The following FRMD4A variants were observed in gnomAD, a reference collection of about 807,000 sequenced individuals.
The protein encoded by FRMD4A is FERM domain-containing protein 4A.
In FRMD4A, 29 loss-of-function variants were observed where a neutral mutation model predicts 129.1. The ratio of observed to expected loss-of-function variants is 0.22; its 90% CI spans 0.17 to 0.31. The LOEUF is 0.31. FRMD4A is among the 10% of genes least tolerant of loss of function. FRMD4A has a pLI of 1.00. For synonymous variants in FRMD4A, 634 were observed against 571.6 expected (o/e 1.11, Z -1.56); for missense variants, 1,272 against 1,375.8 (o/e 0.92, Z 1.19).
chr10:13,731,259 G>A (rs1255797061), intron 12 of FRMD4A, among the ~76,000 whole-genome samples: 1 of 152,226 alleles, frequency 6.6e-6, no homozygotes, highest in Non-Finnish European at 1.5e-5. Context: ...CAGAAGTGGG[G>A]AGGAAGGCAA....
chr10:13,744,694 G>A (rs1321419877), intron 9 of FRMD4A: 2 of 152,178 alleles, frequency 1.3e-5, no homozygotes, highest in African/African-American at 4.8e-5. Context: ...GAAGAATGGT[G>A]AGTACAGCTC....
rs147018004 is a variant in FRMD4A at position 14,323,071 on chromosome 10, G to A, written c.45+6987C>T. Among the ~76,000 whole-genome samples the A allele has an allele frequency of 2.6e-3, 396 of 152,254 alleles. 11 individuals are homozygous for A. In the East Asian group the frequency reaches 0.053, roughly 21 times the overall value. On this transcript the variant is annotated intron_variant, in intron 2 of 24. Coordinates refer to ENST00000357447, the MANE Select transcript of FRMD4A (RefSeq NM_018027.5). ...GCAAATTTAAATTTGCTCATAACTA[G>A]AATGGCTCACATGGCCACAGGAACA...
In FRMD4A at chr10:13,815,636, C is replaced by T. The variant is rs187367889; in HGVS notation, c.112-4728G>A. 1.8e-4 allele frequency among the ~76,000 whole-genome samples: 27 copies of T among 152,282 alleles called. No homozygotes were observed. The East Asian group carries it at 4.4e-3, about 25-fold the overall frequency. ...GTTTCAAAGCCCACATGTGTAATCC[C>T]TCTGCCACTCTACCTCTGTTGACCC... On this transcript the variant is annotated intron_variant, in intron 3 of 24. Coordinates refer to ENST00000357447, the MANE Select transcript of FRMD4A (RefSeq NM_018027.5).
At chr10:13,694,646 G>C (rs376840694) in intron 14 of FRMD4A, among the ~76,000 whole-genome samples, 12 of 152,288 alleles carry the variant, frequency 7.9e-5, no homozygotes, top group African/African-American at 2.9e-4. Flanking sequence ...AGTGACAGTG[G>C]TTCTCCAGCT....
At chr10:14,007,843 C>A (rs2095667568) in intron 2 of FRMD4A, among the ~76,000 whole-genome samples, 3 of 152,294 alleles carry the variant, frequency 2.0e-5, no homozygotes, top group Admixed American at 1.3e-4. Context: ...CACCCCTCCC[C>A]CATCTGAGAT....
intron 2 of FRMD4A, among the ~76,000 whole-genome samples, chr10:14,006,027 T>A (rs1434657241): frequency 6.6e-6 from 1 of 152,196 alleles, no homozygotes; most frequent in East Asian, 1.9e-4. Flanking sequence ...ACACTCCCAA[T>A]GGAAGGGTGC....
intron 2 of FRMD4A, among the ~76,000 whole-genome samples, chr10:13,891,289 T>G (rs1309733748): frequency 7.2e-5 from 11 of 151,976 alleles, no homozygotes; most frequent in Non-Finnish European, 1.6e-4. Context: ...CCTGGCACTC[T>G]CAGAAAATGG....
chr10:13,933,983 A>G (rs2095226648), intron 2 of FRMD4A, among the ~76,000 whole-genome samples: 1 of 152,232 alleles, frequency 6.6e-6, no homozygotes, highest in African/African-American at 2.4e-5. Flanking sequence ...TTATGCAGAA[A>G]ATAGCAACAG....
chr10:14,237,462 C>G (rs1443455897), intron 2 of FRMD4A, among the ~76,000 whole-genome samples: 16 of 152,154 alleles, frequency 1.1e-4, no homozygotes, highest in Admixed American at 9.8e-4. Context: ...TCCTGAGTAG[C>G]TGGGATTACA....
At chr10:13,844,895 A>G (rs2094020845) in intron 3 of FRMD4A, among the ~76,000 whole-genome samples, 1 of 152,224 alleles carries the variant, frequency 6.6e-6, no homozygotes, top group Non-Finnish European at 1.5e-5. Context: ...ATTGGGAAGC[A>G]ACAGTTAGTA....
intron 22 of FRMD4A, among the ~76,000 whole-genome samples, chr10:13,656,313 CAG>C (rs2082136474): frequency 6.6e-6 from 1 of 152,184 alleles, no homozygotes. Context: ...TGGATAAACC[CAG>C]AGACATTACT....
At chr10:13,734,842 A>T (rs1242894129) in intron 12 of FRMD4A, among the ~76,000 whole-genome samples, 3 of 7,236 alleles carry the variant, frequency 4.1e-4, no homozygotes, top group African/African-American at 6.5e-4. Context: ...TTCTTTTTCT[A>T]TTTATTTATT....
intron 2 of FRMD4A, among the ~76,000 whole-genome samples, chr10:13,945,379 C>G (rs1035755121): frequency 7.2e-5 from 11 of 152,100 alleles, no homozygotes; most frequent in African/African-American, 2.7e-4. Context: ...AGGTTTCTTT[C>G]TTCTCTTTCT....
At chr10:13,945,042 C>G (rs1410586947) in intron 2 of FRMD4A, among the ~76,000 whole-genome samples, 2 of 152,160 alleles carry the variant, frequency 1.3e-5, no homozygotes, top group Admixed American at 1.3e-4. Context: ...CCCCTCCGGT[C>G]TCTCCACCAG....
intron 4 of FRMD4A, among the ~76,000 whole-genome samples, chr10:13,800,308 T>G (rs1054540041): frequency 6.6e-6 from 1 of 152,228 alleles, no homozygotes; most frequent in Non-Finnish European, 1.5e-5. Flanking sequence ...AAAGAAGTAT[T>G]TGCTCATTGA....
At chr10:14,138,369 T>C (rs544919554) in intron 2 of FRMD4A, among the ~76,000 whole-genome samples, 1 of 152,284 alleles carries the variant, frequency 6.6e-6, no homozygotes, top group South Asian at 2.1e-4. Flanking sequence ...CTATTTCTAG[T>C]TATGAAGTAA....
At chr10:14,121,541 G>T (rs535992779) in intron 2 of FRMD4A, among the ~76,000 whole-genome samples, 1 of 152,190 alleles carries the variant, frequency 6.6e-6, no homozygotes, top group Non-Finnish European at 1.5e-5. Flanking sequence ...GGGGCTATCA[G>T]CTACAGTCAC....
At chr10:13,664,047 A>G (rs1405987781) in intron 18 of FRMD4A, among the ~76,000 whole-genome samples, 2 of 152,206 alleles carry the variant, frequency 1.3e-5, no homozygotes, top group Non-Finnish European at 2.9e-5. Flanking sequence ...ATGCCATTCA[A>G]TTAACCGGGA....
intron 2 of FRMD4A, among the ~76,000 whole-genome samples, chr10:14,269,955 C>T (rs920561273): frequency 4.7e-4 from 71 of 152,278 alleles, no homozygotes; most frequent in African/African-American, 1.7e-3. Flanking sequence ...CTCAGTGGGG[C>T]CCAGATGGGA....
Sources: allele counts gnomAD v4.1 joint callset (sites outside exome capture counted in the v4.1 genomes callset), GRCh38; gene constraint gnomAD v4.1.1; transcripts MANE v1.5; gene names NCBI Gene and HGNC (gene_info 2026-07-23, HGNC 2026-07-21).